TSHZ2: variants seen among roughly 807,000 people sequenced by gnomAD.
TSHZ2 encodes the protein teashirt homolog 2.
Under a neutral mutation model 74.4 loss-of-function variants are expected in TSHZ2, and 21 were observed. The observed-to-expected ratio is 0.28, with a 90% CI of 0.20 to 0.41. TSHZ2 has a LOEUF of 0.41. TSHZ2 is among the 10% of genes least tolerant of loss of function. TSHZ2 has a pLI of 1.00. For missense variants in TSHZ2, 1,244 were observed against 1,293.5 expected (o/e 0.96, Z 0.59); for synonymous variants, 540 against 515.3 (o/e 1.05, Z -0.65).
chr20:53,489,540 A>G lies in TSHZ2; in HGVS notation c.*2405A>G, dbSNP rs1986391461. ...AAGTGGATTCTCGAGCCCTTGCTCC[A>G]ATGGGGGGAGGAGATCAATACAATT... On this transcript the variant is annotated 3_prime_UTR_variant, in exon 3 of 3. Transcript: ENST00000371497. The G allele has an allele frequency of 4.7e-6, 1 of 211,410 alleles. No individual in the cohort carries two copies. The highest frequency in any genetic ancestry group is 2.3e-5 in the African/African-American group (1 of 43,312). 13.1% of individuals were successfully genotyped at this position (211,410 alleles called of 1,614,324 possible).
chr20:53,479,322 T>G (rs917544482), intron 2 of TSHZ2, among the ~76,000 whole-genome samples: 2 of 152,170 alleles, frequency 1.3e-5, no homozygotes. Flanking sequence ...ATTCTGCATT[T>G]CTGACAAGCT....
At chr20:52,996,307 TTTTATTTA>T (rs56169663) in intron 1 of TSHZ2, among the ~76,000 whole-genome samples, 28,361 of 145,204 alleles carry the variant, frequency 0.2, 3,428 homozygotes, top group Non-Finnish European at 0.28. Context: ...CCTTTCAGGT[TTTTATTTA>T]TTTATTTATT....
chr20:53,325,976 T>C (rs1244768319), intron 2 of TSHZ2, among the ~76,000 whole-genome samples: 1 of 152,084 alleles, frequency 6.6e-6, no homozygotes, highest in Admixed American at 6.5e-5. Flanking sequence ...TGAGACAGGA[T>C]TTTACCATGT....
At chr20:53,139,473 G>C (rs984575116) in intron 1 of TSHZ2, among the ~76,000 whole-genome samples, 3 of 152,122 alleles carry the variant, frequency 2.0e-5, no homozygotes, top group African/African-American at 7.2e-5. Flanking sequence ...TTTGCCCTGC[G>C]TTTACTCTGC....
chr20:53,187,026 T>C (rs1245666979), intron 1 of TSHZ2, among the ~76,000 whole-genome samples: 1 of 152,186 alleles, frequency 6.6e-6, no homozygotes, highest in East Asian at 1.9e-4. Flanking sequence ...TTTGTGTGTA[T>C]ATAGCCAAAA....
chr20:53,190,133 A>ATTTTTT (rs1988701981), intron 1 of TSHZ2, among the ~76,000 whole-genome samples: 1 of 86,300 alleles, frequency 1.2e-5, no homozygotes, highest in African/African-American at 4.6e-5. Flanking sequence ...ATATATATAT[A>ATTTTTT]TATATTTTCT....
At chr20:53,156,967 C>T (rs182220214) in intron 1 of TSHZ2, among the ~76,000 whole-genome samples, 1 of 152,278 alleles carries the variant, frequency 6.6e-6, no homozygotes, top group African/African-American at 2.4e-5. Flanking sequence ...AGGTGCAGAG[C>T]TTTATTAAGC....
At chr20:53,486,953 A>G (rs964735503) in intron 2 of TSHZ2, among the ~76,000 whole-genome samples, 191 bp from the exon 3 acceptor site, 9 of 152,122 alleles carry the variant, frequency 5.9e-5, no homozygotes, top group South Asian at 4.1e-4. Flanking sequence ...CAGTATTTAA[A>G]TAGTTTTTTT....
intron 1 of TSHZ2, among the ~76,000 whole-genome samples, chr20:53,200,225 C>A (rs796329417): frequency 1.2e-4 from 19 of 152,218 alleles, no homozygotes; most frequent in African/African-American, 4.6e-4. Flanking sequence ...GGGAACTTGC[C>A]ATCTTGCCTC....
rs79936420 is a variant in TSHZ2 at position 52,974,753 on chromosome 20, T to C, written c.40+1420T>C. 9.1e-3 allele frequency among the ~76,000 whole-genome samples: 1,379 copies of C among 152,324 alleles called. 27 individuals carry two copies. Among genetic ancestry groups the C allele is most frequent in the African/African-American group, 0.031 (1,309 of 41,572 alleles). On this transcript the variant is annotated intron_variant, in intron 1 of 2. Transcript: ENST00000371497. ...GTTGAACCACCAAGCTCATCCTCCT[T>C]CCTCGCCTGAGTGTTTCAAAATATC... is the stretch of plus-strand genomic sequence containing the variant.
chr20:53,470,688 C>A (rs1461812499), intron 2 of TSHZ2, among the ~76,000 whole-genome samples: 1 of 152,052 alleles, frequency 6.6e-6, no homozygotes, highest in Admixed American at 6.5e-5. Flanking sequence ...GTGGTGCGCA[C>A]CTGTAACCCC....
intron 1 of TSHZ2, among the ~76,000 whole-genome samples, chr20:53,143,460 G>A (rs961394277): frequency 2.6e-5 from 4 of 152,166 alleles, no homozygotes; most frequent in Admixed American, 1.3e-4. Context: ...TTGGGAGGCC[G>A]AGGTGGGCGG....
In TSHZ2 at chr20:53,489,518, T is replaced by C. The variant is rs180911037; in HGVS notation, c.*2383T>C. ...AGATCTCACTGCAACCATCCAAAAG[T>C]GGATTCTCGAGCCCTTGCTCCAATG... On this transcript the variant is annotated 3_prime_UTR_variant, in exon 3 of 3. Coordinates refer to ENST00000371497, the MANE Select transcript of TSHZ2 (RefSeq NM_173485.6). 764 of 221,562 alleles carry C rather than the reference T, an allele frequency of 3.4e-3. 8 individuals are homozygous for C. Among genetic ancestry groups the C allele is most frequent in the African/African-American group, 0.017 (724 of 43,770 alleles). 13.7% of individuals were successfully genotyped at this position (221,562 alleles called of 1,614,324 possible). A position where few individuals can be genotyped will look rare whatever the true frequency, so the allele number is the denominator to read the frequency against.
At chr20:53,087,418 G>A (rs1054417508) in intron 1 of TSHZ2, among the ~76,000 whole-genome samples, 1 of 152,132 alleles carries the variant, frequency 6.6e-6, no homozygotes, top group Non-Finnish European at 1.5e-5. Context: ...TCGATCCTTG[G>A]CCCAAAGTTC....
chr20:53,440,157 A>G (rs1984257213), intron 2 of TSHZ2, among the ~76,000 whole-genome samples: 1 of 152,138 alleles, frequency 6.6e-6, no homozygotes, highest in Non-Finnish European at 1.5e-5. Context: ...ATGTTTTTTC[A>G]TCTGTGAACA....
rs541894041 is a variant in TSHZ2, at chr20:53,488,131, T to G, written c.*996T>G. 6.6e-6 allele frequency: 1 copy of G among 152,338 alleles called. No homozygotes were observed. Among genetic ancestry groups the G allele is most frequent in the African/African-American group, 2.4e-5 (1 of 41,580 alleles). The allele number at this position is 152,338 out of a possible 1,614,324, so 9.4% of individuals were successfully genotyped here. A position where few individuals can be genotyped will look rare whatever the true frequency, so the allele number is the denominator to read the frequency against. Reference sequence around the variant, plus strand: ...AGAAAGCATGAAATAGGGTGTCCATTTTAAATGTGTTCCTGCAACTTTTTT... The same window carrying G: ...AGAAAGCATGAAATAGGGTGTCCATGTTAAATGTGTTCCTGCAACTTTTTT... On this transcript the variant is annotated 3_prime_UTR_variant, in exon 3 of 3. Coordinates refer to ENST00000371497, the MANE Select transcript of TSHZ2 (RefSeq NM_173485.6).
rs566908157 is a variant in TSHZ2 at position 53,038,052 on chromosome 20, G to A, written c.40+64719G>A. Among the ~76,000 whole-genome samples, 3 of 151,914 alleles carry A rather than the reference G, an allele frequency of 2.0e-5. 1 individual carries two copies. The South Asian group carries it at 6.3e-4, about 32-fold the overall frequency. ...TTTAGTGTACCGCAGGATCACCTTC[G>A]GGGAGGGAACGACAGCCTGCCCGGG... On this transcript the variant is annotated intron_variant, in intron 1 of 2. Transcript: ENST00000371497.
intron 2 of TSHZ2, among the ~76,000 whole-genome samples, chr20:53,446,864 T>TCTAA (rs1984571961): frequency 6.6e-6 from 1 of 152,090 alleles, no homozygotes; most frequent in South Asian, 2.1e-4. Flanking sequence ...CAGGAAGACT[T>TCTAA]CTAACTTCTA....
At chr20:53,470,765 A>C (rs545496808) in intron 2 of TSHZ2, among the ~76,000 whole-genome samples, 1 of 152,276 alleles carries the variant, frequency 6.6e-6, no homozygotes, top group East Asian at 1.9e-4. Context: ...GTGAGCGGAG[A>C]TTGCGCCACT....
Sources: allele counts gnomAD v4.1 joint callset (sites outside exome capture counted in the v4.1 genomes callset), GRCh38; gene constraint gnomAD v4.1.1; transcripts MANE v1.5; gene names NCBI Gene and HGNC (gene_info 2026-07-23, HGNC 2026-07-21).